VPS11: variants seen among roughly 807,000 people sequenced by gnomAD.
The protein encoded by VPS11 is VPS11 core subunit of CORVET and HOPS complexes.
VPS11 carries 51 observed loss-of-function variants against 106.8 expected under a neutral mutation model. That is an observed-to-expected ratio of 0.48 (90% confidence interval 0.38 to 0.60). The LOEUF is 0.60. VPS11 is among the 20% of genes least tolerant of loss of function. The pLI is 0.00. For synonymous variants in VPS11, 453 were observed against 458.7 expected (o/e 0.99, Z 0.16); for missense variants, 950 against 1,190.0 (o/e 0.80, Z 2.97).
intron 6 of VPS11, 44 bp from the exon 7 acceptor site, chr11:119,073,756 C>A (rs782118719): frequency 3.1e-6 from 5 of 1,587,980 alleles, no homozygotes; most frequent in Non-Finnish European, 4.3e-6. Flanking sequence ...AAGTGTCTTC[C>A]CAGGACCACT....
intron 6 of VPS11, 46 bp from the exon 7 acceptor site, chr11:119,073,754 T>C: frequency 6.3e-7 from 1 of 1,587,508 alleles, no homozygotes; most frequent in Non-Finnish European, 8.6e-7. Flanking sequence ...GAAAGTGTCT[T>C]CCCAGGACCA....
Position 119,073,185 on chromosome 11 carries a change from C to G in VPS11, c.885-13C>G. On this transcript the variant is annotated splice_polypyrimidine_tract_variant and intron_variant, in intron 5 of 15. Transcript: ENST00000621676. ...GATGTCCAAACATCTGGTGCTTTTT[C>G]TTTCCTATGCAGGTCAGAGTTTACC... 6.2e-7 allele frequency: 1 copy of G among 1,606,964 alleles called. No homozygotes were observed. Among genetic ancestry groups the G allele is most frequent in the Admixed American group, 1.7e-5 (1 of 58,694 alleles).
chr11:119,079,692 C>T (rs1945776282), intron 14 of VPS11, among the ~76,000 whole-genome samples: 1 of 152,192 alleles, frequency 6.6e-6, no homozygotes, highest in East Asian at 1.9e-4. Flanking sequence ...TCTCCCGCCT[C>T]AGCCTCCCAA....
Position 119,067,828 on chromosome 11 carries a change from C to T in VPS11, c.5C>T (p.Ala2Val). The change falls in exon 1 of 16, where the codon GCG becomes GTG. Residue 2 changes from alanine to valine, a missense_variant. Ala to Val is a moderately conservative substitution (Grantham distance 64, BLOSUM62 0). This residue lies in a region of VPS11 where 62 missense variants were observed against 45.1 expected (regional missense o/e 1.37). Coordinates refer to ENST00000621676, the MANE Select transcript of VPS11 (RefSeq NM_021729.6). The stretch of plus-strand genomic sequence containing the variant: ...AGGTGGGAGCCCTGGGCCAAAATGG[C>T]GGCCTACCTGCAGTGGCGGCGCTTC... The part of the protein sequence containing the change: M[A>V]AYLQWRRFVF... The T allele has an allele frequency of 3.9e-6, 6 of 1,541,562 alleles. No homozygotes were observed. The highest frequency in any genetic ancestry group is 1.4e-5 in the African/African-American group (1 of 73,016).
intron 14 of VPS11, among the ~76,000 whole-genome samples, chr11:119,079,721 G>A (rs542799480): frequency 5.3e-5 from 8 of 152,228 alleles, no homozygotes; most frequent in South Asian, 4.2e-4. Flanking sequence ...GATTACAGGC[G>A]TGTGCCACCA....
chr11:119,080,969 CAGGGCCTTCA>C (rs1945827111), intron 14 of VPS11, 113 bp from the exon 15 acceptor site: 1 of 809,998 alleles, frequency 1.2e-6, no homozygotes, highest in African/African-American at 1.7e-5. Context: ...AAGAGCAGGG[CAGGGCCTTCA>C]GGGGCCTTAC....
Position 119,079,145 on chromosome 11 carries a change from C to T in VPS11, c.2283C>T (p.Ala761=), listed in dbSNP as rs782690577. Residue 761 remains alanine (A), a synonymous_variant, in exon 14 of 16, where the codon GCC becomes GCT. Coordinates refer to ENST00000621676, the MANE Select transcript of VPS11 (RefSeq NM_021729.6). ...MPPLLVVQTL[A]HNSTATLSVI... ...CAATCTCAGTGGTGCAGACCCTGGC[C>T]CACAACTCCACAGCCACACTCTCCG... The T allele has an allele frequency of 3.7e-6, 6 of 1,613,712 alleles. No homozygotes were observed. In the African/African-American group the frequency reaches 8.0e-5, roughly 22 times the overall value.
chr11:119,081,270 G>T lies in VPS11; in HGVS notation c.2617G>T (p.Ala873Ser). 6.2e-7 allele frequency: 1 copy of T among 1,613,522 alleles called. No individual in the cohort carries two copies. ...CCGGAAGGTCATGGATATGATCCGG[G>T]CCCAGGAACAGAAACGAGATCTCCA... ...ENRKVMDMIRAQEQKRDLHDQ... is the reference protein window; with the variant it reads ...ENRKVMDMIRSQEQKRDLHDQ... The change falls in exon 15 of 16, where the codon GCC becomes TCC. Residue 873 changes from alanine (A) to serine (S), a missense_variant. Physicochemically the swap from Ala to Ser is moderately conservative, Grantham distance 99. This residue lies in a region of VPS11 where 453 missense variants were observed against 514.6 expected (regional missense o/e 0.88). Transcript: ENST00000621676.
chr11:119,074,319 CAG>C (rs1453104931), intron 7 of VPS11, among the ~76,000 whole-genome samples: 1 of 152,130 alleles, frequency 6.6e-6, no homozygotes. Flanking sequence ...CTCCTGACCT[CAG>C]GTGATCTGCC....
At chr11:119,077,223 C>T (rs45558731) in intron 8 of VPS11, 140 bp downstream of exon 8, 22,566 of 1,123,742 alleles carry the variant, frequency 0.02, 328 homozygotes, top group Middle Eastern at 0.028. Flanking sequence ...CCTGTTAGTT[C>T]GGTGCCATCT....
intron 5 of VPS11, 186 bp from the exon 6 acceptor site, chr11:119,073,012 G>T (rs940072090): frequency 3.2e-6 from 2 of 630,662 alleles, no homozygotes; most frequent in African/African-American, 1.8e-5. Flanking sequence ...GATCCTAAAG[G>T]GTAAGATCAG....
chr11:119,070,187 C>T, intron 3 of VPS11, 47 bp from the exon 4 acceptor site: 1 of 1,560,396 alleles, frequency 6.4e-7, no homozygotes, highest in Non-Finnish European at 8.7e-7. Flanking sequence ...CTCTCCACTT[C>T]CTGATCTTTT....
chr11:119,070,138 G>A lies in VPS11; in HGVS notation c.473-96G>A, dbSNP rs1034786091. ...TAGAGAGGTTGGGTATATGGAGAAA[G>A]CTTGTCACTTCTGAGTGCCTCAAGT... On this transcript the variant is annotated intron_variant, in intron 3 of 15. Transcript: ENST00000621676. The A allele has an allele frequency of 2.3e-6, 3 of 1,282,406 alleles. No homozygotes were observed. The Admixed American group carries it at 7.2e-5, about 31-fold the overall frequency. The allele number at this position is 1,282,406 out of a possible 1,614,324, so 79.4% of individuals were successfully genotyped here. A position where few individuals can be genotyped will look rare whatever the true frequency, so the allele number is the denominator to read the frequency against.
chr11:119,071,976 G>GTT (rs5795167), intron 5 of VPS11, 133 bp downstream of exon 5: 40,500 of 1,009,198 alleles, frequency 0.04, no homozygotes, highest in Middle Eastern at 0.052. Flanking sequence ...TAACATTTCT[G>GTT]TTTTTTTTTT....
intron 3 of VPS11, 34 bp from the exon 4 acceptor site, chr11:119,070,200 G>C: frequency 1.3e-6 from 2 of 1,580,390 alleles, no homozygotes; most frequent in African/African-American, 1.3e-5. Flanking sequence ...GATCTTTTCA[G>C]CCTTACTGAA....
chr11:119,078,485 A>G (rs1028391105), intron 11 of VPS11, 80 bp from the exon 12 acceptor site: 3 of 1,583,482 alleles, frequency 1.9e-6, no homozygotes, highest in Non-Finnish European at 2.6e-6. Context: ...GGACTGAGGG[A>G]AAGAGTTGAC....
chr11:119,079,104 G>T (rs1250935233), intron 13 of VPS11, 25 bp from the exon 14 acceptor site: 1 of 1,612,250 alleles, frequency 6.2e-7, no homozygotes, highest in Admixed American at 1.7e-5. Flanking sequence ...TGATTGTCTT[G>T]TTTCCTCTTG....
At chr11:119,078,108 C>T (rs782137506) in intron 10 of VPS11, 42 bp downstream of exon 10, 4 of 1,609,150 alleles carry the variant, frequency 2.5e-6, no homozygotes, top group African/African-American at 1.3e-5. Flanking sequence ...TGGGGATCAC[C>T]TTAAGGGCTT....
intron 3 of VPS11, among the ~76,000 whole-genome samples, chr11:119,070,028 A>AAATAAAT (rs375064434): frequency 1.6e-3 from 45 of 28,094 alleles, no homozygotes; most frequent in African/African-American, 5.6e-3. Flanking sequence ...ATAAATAAAT[A>AAATAAAT]AAATAAATAA....
Sources: gnomAD v4.1 joint callset for allele counts (sites outside exome capture counted in the v4.1 genomes callset) on GRCh38, gnomAD v4.1.1 for gene constraint, gnomAD v4.1.1 regional missense constraint, MANE v1.5 for transcripts, NCBI Gene and HGNC (gene_info 2026-07-23, HGNC 2026-07-21) for gene names.